The following DOT1L variants were observed in gnomAD, a reference collection of about 807,000 sequenced individuals.
DOT1L encodes the protein histone-lysine N-methyltransferase, H3 lysine-79 specific.
In DOT1L, 33 loss-of-function variants were observed where a neutral mutation model predicts 153.3. The ratio of observed to expected loss-of-function variants is 0.22; its 90% CI spans 0.16 to 0.29. The LOEUF (loss-of-function observed/expected upper bound fraction) is 0.29. Ranked by LOEUF, DOT1L falls within the 10% of genes least tolerant of loss-of-function variation. The pLI is 1.00. For missense variants in DOT1L, 1,847 were observed against 2,119.9 expected (o/e 0.87, Z 2.53); for synonymous variants, 1,135 against 965.1 (o/e 1.18, Z -3.26).
chr19:2,230,748 G>GA lies in DOT1L; in HGVS notation c.*962dup, dbSNP rs1221362098. The GA allele has an allele frequency of 2.5e-6, 1 of 397,398 alleles. No homozygotes were observed. The highest frequency in any genetic ancestry group is 4.4e-6 in the Non-Finnish European group (1 of 225,838). The allele number at this position is 397,398 out of a possible 1,614,324, so 24.6% of individuals were successfully genotyped here. A position where few individuals can be genotyped will look rare whatever the true frequency, so the allele number is the denominator to read the frequency against. On this transcript the variant is annotated 3_prime_UTR_variant, in exon 28 of 28. Coordinates refer to ENST00000398665, the MANE Select transcript of DOT1L (RefSeq NM_032482.3). ...AGTGAAGAGGAAAGAAAAGCGAGGG[G>GA]AAAAAACCTTATTTATTCAAACAGT...
At position 2,191,243 on chromosome 19, in the gene DOT1L, G is replaced by T; in HGVS notation, c.493+3G>T. The T allele has an allele frequency of 6.2e-7, 1 of 1,613,318 alleles. No individual in the cohort carries two copies. The highest frequency in any genetic ancestry group is 1.1e-5 in the South Asian group (1 of 91,076). ...CCTGTTTGTGGACTTGGGGAGCGGT[G>T]AGTGTCGCCCGCCATGCCCGGCTCC... On this transcript the variant is annotated splice_donor_region_variant and intron_variant, in intron 5 of 27. Transcript: ENST00000398665. The surrounding 1 kb of genome is among the most constrained non-coding windows in gnomAD (Gnocchi z 6.8).
Position 2,191,289 on chromosome 19 carries a change from G to C in DOT1L, c.493+49G>C. 10 of 1,572,060 alleles carry C rather than the reference G, an allele frequency of 6.4e-6. No homozygotes were observed. Among genetic ancestry groups the C allele is most frequent in the Non-Finnish European group, 8.7e-6 (10 of 1,144,126 alleles). On this transcript the variant is annotated intron_variant, in intron 5 of 27. Coordinates refer to ENST00000398665, the MANE Select transcript of DOT1L (RefSeq NM_032482.3). The surrounding 1 kb of genome is among the most constrained non-coding windows in gnomAD (Gnocchi z 6.8). The stretch of plus-strand genomic sequence containing the variant: ...GCTCCTGTGCACTTCCAGGCCACAC[G>C]CTCTGTGCCTGCCCCATGCCTGCTT...
chr19:2,185,642 A>G (rs913757075), intron 2 of DOT1L, among the ~76,000 whole-genome samples: 1 of 152,060 alleles, frequency 6.6e-6, no homozygotes, highest in East Asian at 1.9e-4. Flanking sequence ...GGTGGTGGGC[A>G]CCTGTAGTCC....
chr19:2,185,830 G>T (rs1488551695), intron 2 of DOT1L, 25 bp from the exon 3 acceptor site: 1 of 1,612,610 alleles, frequency 6.2e-7, no homozygotes, highest in South Asian at 1.1e-5. Context: ...AACCCTTCCT[G>T]ATCGTTTCTG....
At chr19:2,225,625 G>A (rs1254996262) in intron 26 of DOT1L, among the ~76,000 whole-genome samples, 173 bp downstream of exon 26, 4 of 152,000 alleles carry the variant, frequency 2.6e-5, no homozygotes, top group South Asian at 2.1e-4. Flanking sequence ...CGTGGGCGCC[G>A]ACACTGGGGG....
chr19:2,194,150 A>G (rs1376624606), intron 6 of DOT1L, among the ~76,000 whole-genome samples: 1 of 151,118 alleles, frequency 6.6e-6, no homozygotes, highest in Non-Finnish European at 1.5e-5. Context: ...TGTTGCTCTG[A>G]GAGTTTGTTG....
At chr19:2,183,753 A>T (rs2022354767) in intron 2 of DOT1L, among the ~76,000 whole-genome samples, 1 of 151,516 alleles carries the variant, frequency 6.6e-6, no homozygotes, top group Admixed American at 6.6e-5. Context: ...CAGCCTCCCG[A>T]GTAGCTGGGA....
intron 7 of DOT1L, among the ~76,000 whole-genome samples, chr19:2,199,265 T>C (rs2023146197): frequency 6.6e-6 from 1 of 152,214 alleles, no homozygotes; most frequent in Admixed American, 6.5e-5. Flanking sequence ...ACAGCGCTGC[T>C]GTTAGCAGGC....
Position 2,220,309 on chromosome 19 carries a change from A to C in DOT1L, c.2806+87A>C, listed in dbSNP as rs2024068315. On this transcript the variant is annotated intron_variant, in intron 23 of 27. Transcript: ENST00000398665. The surrounding 1 kb of genome is among the most constrained non-coding windows in gnomAD (Gnocchi z 4.5). ...AGGGCTGGGTTGCTGGGAGTGGAAC[A>C]GGGCTTCCTGGGGTGATCATGGGGG... is the stretch of plus-strand genomic sequence containing the variant. 5.2e-6 allele frequency: 7 copies of C among 1,338,918 alleles called. No individual in the cohort carries two copies. The highest frequency in any genetic ancestry group is 7.3e-6 in the Non-Finnish European group (7 of 961,738). 82.9% of individuals were successfully genotyped at this position (1,338,918 alleles called of 1,614,324 possible). A position where few individuals can be genotyped will look rare whatever the true frequency, so the allele number is the denominator to read the frequency against.
chr19:2,175,277 A>G (rs2021869902), intron 1 of DOT1L, among the ~76,000 whole-genome samples: 1 of 151,936 alleles, frequency 6.6e-6, no homozygotes, highest in African/African-American at 2.4e-5. Context: ...TGGGGATTAC[A>G]GGCGTGAGCC....
chr19:2,217,978 G>A lies in DOT1L; in HGVS notation c.2691+60G>A. ...ACGTTGAGGCAAAACAGTCTGGGGT[G>A]CTCGAGACCTGGCTCACTTTGCGAA... On this transcript the variant is annotated intron_variant, in intron 22 of 27. Transcript: ENST00000398665. The surrounding 1 kb of genome is among the most constrained non-coding windows in gnomAD (Gnocchi z 7.3). 1.3e-6 allele frequency: 2 copies of A among 1,572,458 alleles called. No homozygotes were observed. The highest frequency in any genetic ancestry group is 1.7e-6 in the Non-Finnish European group (2 of 1,160,372).
chr19:2,211,413 C>G (rs1443238929), intron 15 of DOT1L, among the ~76,000 whole-genome samples: 1 of 152,178 alleles, frequency 6.6e-6, no homozygotes, highest in Non-Finnish European at 1.5e-5. Context: ...GAGGTCTTAC[C>G]CAGGAGATGC....
intron 3 of DOT1L, among the ~76,000 whole-genome samples, chr19:2,189,388 G>A (rs1476304244): frequency 6.6e-6 from 1 of 152,190 alleles, no homozygotes; most frequent in African/African-American, 2.4e-5. Context: ...TTCCCACTTG[G>A]GGGGCTGGCC....
At chr19:2,211,884 G>T in intron 16 of DOT1L, 42 bp downstream of exon 16, 1 of 1,523,976 alleles carries the variant, frequency 6.6e-7, no homozygotes. Flanking sequence ...CCCGCACAGA[G>T]GCAGTTCGTT....
At chr19:2,176,199 T>C (rs1304687079) in intron 1 of DOT1L, among the ~76,000 whole-genome samples, 1 of 152,146 alleles carries the variant, frequency 6.6e-6, no homozygotes. Flanking sequence ...TGGTGAAGTC[T>C]GCACAAAGCC....
At chr19:2,219,988 AC>A in intron 22 of DOT1L, 119 bp from the exon 23 acceptor site, 1 of 845,462 alleles carries the variant, frequency 1.2e-6, no homozygotes, top group Non-Finnish European at 1.8e-6. Flanking sequence ...GCGGTACTGG[AC>A]GGTGACCCCG....
chr19:2,205,212 C>G (rs2023446575), intron 9 of DOT1L, among the ~76,000 whole-genome samples: 1 of 152,142 alleles, frequency 6.6e-6, no homozygotes, highest in Non-Finnish European at 1.5e-5. Context: ...ACCTCGTGAT[C>G]TCCCTGCCTC....
rs746086474 is a variant in DOT1L, at chr19:2,214,614, C to G, written c.1923+18C>G. On this transcript the variant is annotated intron_variant, in intron 19 of 27. Transcript: ENST00000398665. ...AGCTGCAGGTGGGCTGCGCGCGAGG[C>G]TGCACTCCGTGGTGTCCGAGCCTCT... The G allele has an allele frequency of 1.9e-6, 3 of 1,609,238 alleles. No homozygotes were observed. The highest frequency in any genetic ancestry group is 2.5e-6 in the Non-Finnish European group (3 of 1,178,154).
rs2022868398 is a variant in DOT1L, at chr19:2,193,109, CCT to C, written c.494-579_494-578del. On this transcript the variant is annotated intron_variant, in intron 5 of 27. Transcript: ENST00000398665. The surrounding 1 kb of genome is among the most constrained non-coding windows in gnomAD (Gnocchi z 5.9). ...TCCTGACGCTGGCGTATCTGCAGCC[CCT>C]GTTCCCTCCTTCTCCCTTAGAGCCG... Among the ~76,000 whole-genome samples the C allele has an allele frequency of 6.6e-6, 1 of 152,206 alleles. No individual in the cohort carries two copies. Among genetic ancestry groups the C allele is most frequent in the South Asian group, 2.1e-4 (1 of 4,838 alleles).
Sources: allele counts gnomAD v4.1 joint callset (sites outside exome capture counted in the v4.1 genomes callset), GRCh38; gene constraint gnomAD v4.1.1; non-coding constraint Gnocchi (gnomAD v3.1); transcripts MANE v1.5; gene names NCBI Gene and HGNC (gene_info 2026-07-23, HGNC 2026-07-21).